VCPIP1: variants seen among roughly 807,000 people sequenced by gnomAD.
VCPIP1 encodes the protein deubiquitinating protein VCPIP1.
In VCPIP1, 8 loss-of-function variants were observed where a neutral mutation model predicts 85.0. The ratio of observed to expected loss-of-function variants is 0.09; its 90% CI spans 0.06 to 0.17. The LOEUF (loss-of-function observed/expected upper bound fraction) is 0.17. Among genes scored for constraint, VCPIP1 ranks in the 10% least tolerant of loss-of-function variants. VCPIP1 has a pLI of 1.00. For synonymous variants in VCPIP1, 543 were observed against 544.5 expected (o/e 1.00, Z 0.04); for missense variants, 1,070 against 1,486.3 (o/e 0.72, Z 4.61).
chr8:66,650,467 TG>T (rs144019323), intron 2 of VCPIP1, among the ~76,000 whole-genome samples: 8 of 152,232 alleles, frequency 5.3e-5, no homozygotes, highest in South Asian at 2.1e-4. Context: ...GAAAAAAATG[TG>T]TGAAGTCCAA....
rs557944553 is a variant in VCPIP1, at chr8:66,657,325, T to A, written c.2711-5781A>T. Among the ~76,000 whole-genome samples, 245 of 152,348 alleles carry A rather than the reference T, an allele frequency of 1.6e-3. 1 individual carries two copies. The highest frequency in any genetic ancestry group is 3.3e-3 in the South Asian group (16 of 4,832). ...TAAAATTTAAAGAAACAATTCAAAA[T>A]TTTTTAATAATTTGAATAAATGGTT... On this transcript the variant is annotated intron_variant, in intron 1 of 2. Transcript: ENST00000310421.
In VCPIP1 at chr8:66,642,487, A is replaced by G. The variant is rs545325400; in HGVS notation, c.2798-7115T>C. On this transcript the variant is annotated intron_variant, in intron 2 of 2. Coordinates refer to ENST00000310421, the MANE Select transcript of VCPIP1 (RefSeq NM_025054.5). Reference sequence around the variant, plus strand: ...ATTTTTGTATCTAAGATTATGCCTAATCCAAGGTCAATACAGTTTATGCTT... The same window carrying G: ...ATTTTTGTATCTAAGATTATGCCTAGTCCAAGGTCAATACAGTTTATGCTT... 7.2e-5 allele frequency among the ~76,000 whole-genome samples: 11 copies of G among 152,236 alleles called. No homozygotes were observed. The East Asian group carries it at 1.7e-3, about 24-fold the overall frequency.
At chr8:66,652,613 C>T (rs529825601) in intron 1 of VCPIP1, among the ~76,000 whole-genome samples, 25 of 118,578 alleles carry the variant, frequency 2.1e-4, no homozygotes, top group African/African-American at 6.6e-4. Context: ...AACTCTATCT[C>T]AAAAAAAAAA....
At chr8:66,661,757 C>T (rs1394919497) in intron 1 of VCPIP1, among the ~76,000 whole-genome samples, 2 of 150,070 alleles carry the variant, frequency 1.3e-5, no homozygotes, top group Non-Finnish European at 3.0e-5. Flanking sequence ...TATAATCATA[C>T]CGATCAGATT....
At chr8:66,650,652 A>G (rs530206785) in intron 2 of VCPIP1, among the ~76,000 whole-genome samples, 25 of 151,964 alleles carry the variant, frequency 1.6e-4, no homozygotes, top group African/African-American at 6.0e-4. Context: ...ATGGCCAAAC[A>G]TAACAACAAC....
Position 66,666,710 on chromosome 8 carries a change from C to G in VCPIP1, c.249G>C (p.Leu83=). ...CCGGGTCGGTCACCTCCTCAACCCC[C>G]AGCAGCTGTTGCTGCTCGTGCCGCT... ...CGQRHEQQQL[L]GVEEVTDPDV... The change falls in exon 1 of 3, where the codon CTG becomes CTC. Residue 83 remains leucine (L), a synonymous_variant. Coordinates refer to ENST00000310421, the MANE Select transcript of VCPIP1 (RefSeq NM_025054.5). This position sits in a 1 kb window ranked among gnomAD's most constrained non-coding sequence, Gnocchi z 6.3. The G allele has an allele frequency of 6.2e-7, 1 of 1,614,198 alleles. No homozygotes were observed. The highest frequency in any genetic ancestry group is 8.5e-7 in the Non-Finnish European group (1 of 1,180,032).
chr8:66,664,405 T>C lies in VCPIP1; in HGVS notation c.2554A>G (p.Lys852Glu), dbSNP rs753603437. The stretch of plus-strand genomic sequence containing the variant: ...GACTGACCACCTTCAGCTTTACTTT[T>C]TAGAATTTCTATTGTAATTCTGTCG... ...HGDRITIEIL[K>E]SKAEGGQSAA... The change falls in exon 1 of 3, where the codon AAA becomes GAA. Residue 852 changes from lysine to glutamate, a missense_variant. Coordinates refer to ENST00000310421, the MANE Select transcript of VCPIP1 (RefSeq NM_025054.5). The C allele has an allele frequency of 5.0e-6, 8 of 1,613,846 alleles. No homozygotes were observed. Among genetic ancestry groups the C allele is most frequent in the Non-Finnish European group, 2.5e-6 (3 of 1,179,688 alleles).
chr8:66,664,518 A>G lies in VCPIP1; in HGVS notation c.2441T>C (p.Leu814Ser), dbSNP rs1586630898. The change falls in exon 1 of 3, where the codon TTA (leucine) becomes TCA (serine). Residue 814 changes from leucine (L) to serine (S), a missense_variant. Coordinates refer to ENST00000310421, the MANE Select transcript of VCPIP1 (RefSeq NM_025054.5). Reference protein sequence around the residue: ...IAREFNIPPYLQCIRYGFPPK... With the variant: ...IAREFNIPPYSQCIRYGFPPK... ...AGGAAACCCGTATCGAATACACTGT[A>G]AATATGGAGGAATGTTGAATTCTCT... 4 of 1,614,228 alleles carry G rather than the reference A, an allele frequency of 2.5e-6. No homozygotes were observed. In the African/African-American group the frequency reaches 5.3e-5, roughly 22 times the overall value.
intron 2 of VCPIP1, among the ~76,000 whole-genome samples, chr8:66,637,741 G>A (rs962090663): frequency 1.6e-4 from 25 of 151,556 alleles, no homozygotes; most frequent in East Asian, 3.9e-4. Flanking sequence ...AGGCTGAGGC[G>A]GGCGGATCAC....
intron 2 of VCPIP1, among the ~76,000 whole-genome samples, chr8:66,645,759 CAAAAAAAAAA>C (rs1179669993): frequency 1.7e-5 from 1 of 57,488 alleles, no homozygotes; most frequent in African/African-American, 5.0e-5. Context: ...CCTGTCTCTA[CAAAAAAAAAA>C]AAAAAAAAAA....
chr8:66,656,255 C>T (rs777629223), intron 1 of VCPIP1, among the ~76,000 whole-genome samples: 1 of 152,106 alleles, frequency 6.6e-6, no homozygotes, highest in Non-Finnish European at 1.5e-5. Context: ...AAAGTAGTGG[C>T]TCAATCATGG....
At chr8:66,651,012 C>G (rs1811048358) in intron 2 of VCPIP1, among the ~76,000 whole-genome samples, 1 of 151,360 alleles carries the variant, frequency 6.6e-6, no homozygotes, top group Admixed American at 6.6e-5. Flanking sequence ...TGGAGAAACC[C>G]CCATCTCTAC....
chr8:66,643,654 G>GCCAAT (rs1810968548), intron 2 of VCPIP1, among the ~76,000 whole-genome samples: 3 of 151,838 alleles, frequency 2.0e-5, no homozygotes, highest in Non-Finnish European at 4.4e-5. Context: ...AGTAAGCCAA[G>GCCAAT]ATTGCACCAC....
chr8:66,651,576 A>G, intron 1 of VCPIP1, 32 bp from the exon 2 acceptor site: 1 of 1,581,498 alleles, frequency 6.3e-7, no homozygotes, highest in Non-Finnish European at 8.6e-7. Flanking sequence ...AGTATTAGCA[A>G]CAAACAAAAG....
intron 2 of VCPIP1, among the ~76,000 whole-genome samples, chr8:66,649,010 A>C (rs1311156940): frequency 6.6e-6 from 1 of 152,108 alleles, no homozygotes; most frequent in East Asian, 1.9e-4. Flanking sequence ...AAATGTAAAA[A>C]AAATTAGTCG....
In VCPIP1 at chr8:66,642,235, T is replaced by C. The variant is rs533747889; in HGVS notation, c.2798-6863A>G. Among the ~76,000 whole-genome samples, 10 of 152,350 alleles carry C rather than the reference T, an allele frequency of 6.6e-5. No individual in the cohort carries two copies. In the South Asian group the frequency reaches 2.1e-3, roughly 32 times the overall value. ...TCACGTGTGATTGGCCATTTATATA[T>C]TTTCTCTGGAGAGAAATTTATTCAT... On this transcript the variant is annotated intron_variant, in intron 2 of 2. Coordinates refer to ENST00000310421, the MANE Select transcript of VCPIP1 (RefSeq NM_025054.5).
At position 66,664,239 on chromosome 8, in the gene VCPIP1, T is replaced by C; in HGVS notation, c.2710+10A>G. The C allele has an allele frequency of 1.3e-6, 2 of 1,535,930 alleles. No individual in the cohort carries two copies. The highest frequency in any genetic ancestry group is 1.8e-6 in the Non-Finnish European group (2 of 1,140,284). On this transcript the variant is annotated intron_variant, in intron 1 of 2. Coordinates refer to ENST00000310421, the MANE Select transcript of VCPIP1 (RefSeq NM_025054.5). The stretch of plus-strand genomic sequence containing the variant: ...ATTAAGATATACCATCAGAATTAAA[T>C]TCATCTTACCCATTAATGTTGCTAA...
Position 66,666,260 on chromosome 8 carries a change from G to A in VCPIP1, c.699C>T (p.Leu233=). 1 of 1,614,036 alleles carries A rather than the reference G, an allele frequency of 6.2e-7. No homozygotes were observed. Among genetic ancestry groups the A allele is most frequent in the Non-Finnish European group, 8.5e-7 (1 of 1,180,012 alleles). The change falls in exon 1 of 3, where the codon CTC becomes CTT. Residue 233 remains leucine (L), a synonymous_variant. Coordinates refer to ENST00000310421, the MANE Select transcript of VCPIP1 (RefSeq NM_025054.5). The surrounding 1 kb of genome is among the most constrained non-coding windows in gnomAD (Gnocchi z 6.3). ...AVSRALVGRE[L]FWHALRENLK... Reference sequence around the variant, plus strand: ...GATTCTCTCTTAAGGCATGCCAGAAGAGCTCTCGGCCTACTAGAGCCCGAG... The same window carrying A: ...GATTCTCTCTTAAGGCATGCCAGAAAAGCTCTCGGCCTACTAGAGCCCGAG...
At chr8:66,638,199 C>T (rs1810907802) in intron 2 of VCPIP1, among the ~76,000 whole-genome samples, 1 of 152,080 alleles carries the variant, frequency 6.6e-6, no homozygotes, top group African/African-American at 2.4e-5. Context: ...TGTTGCTAAA[C>T]TAAACAAGTC....
Sources: gnomAD v4.1 joint callset for allele counts (sites outside exome capture counted in the v4.1 genomes callset) on GRCh38, gnomAD v4.1.1 for gene constraint, Gnocchi (gnomAD v3.1) non-coding constraint, MANE v1.5 for transcripts, NCBI Gene and HGNC (gene_info 2026-07-23, HGNC 2026-07-21) for gene names.